The following TRPM5 variants were observed in gnomAD, a reference collection of about 807,000 sequenced individuals.
TRPM5 encodes MLSN1 and TRP-related.
Under a neutral mutation model 124.9 loss-of-function variants are expected in TRPM5, and 121 were observed. The observed-to-expected ratio is 0.97, with a 90% CI of 0.84 to 1.13. TRPM5 has a LOEUF of 1.13. TRPM5 is among the 50% of genes most tolerant of loss of function. The pLI is 0.00. For missense variants in TRPM5, 1,643 were observed against 1,589.1 expected (o/e 1.03, Z -0.58); for synonymous variants, 781 against 700.5 (o/e 1.11, Z -1.81).
intron 18 of TRPM5, among the ~76,000 whole-genome samples, chr11:2,411,009 C>T (rs1850433736): frequency 6.6e-6 from 1 of 152,114 alleles, no homozygotes; most frequent in South Asian, 2.1e-4. Flanking sequence ...CTATCCCTTC[C>T]CCACCGATAG....
exon 9 of TRPM5, chr11:2,415,466 A>G: frequency 6.4e-7 from 1 of 1,565,070 alleles, no homozygotes; most frequent in Non-Finnish European, 8.6e-7. Flanking sequence ...CCTCCAGGTC[A>G]CAGGACTTGG....
exon 2 of TRPM5, chr11:2,422,172 G>A: frequency 6.2e-7 from 1 of 1,611,544 alleles, no homozygotes; most frequent in Non-Finnish European, 8.5e-7. Flanking sequence ...CCAGCCCCTT[G>A]CGCAGCACAT....
chr11:2,415,463 G>C (rs1237836861), exon 9 of TRPM5: 1 of 1,567,726 alleles, frequency 6.4e-7, no homozygotes, highest in Non-Finnish European at 8.6e-7. Context: ...CCTCCTCCAG[G>C]TCACAGGACT....
the TRPM5 span, among the ~76,000 whole-genome samples, chr11:2,435,234 C>T: frequency 1.2e-4 from 18 of 152,150 alleles, no homozygotes; most frequent in African/African-American, 3.9e-4. This position sits in a 1 kb window ranked among gnomAD's most constrained non-coding sequence, Gnocchi z 4.1. Flanking sequence ...AAAAATAAAG[C>T]AGGGGAGGCC....
At chr11:2,427,694 G>A (rs908067565), upstream of TRPM5, among the ~76,000 whole-genome samples, 7 of 152,346 alleles carry the variant, frequency 4.6e-5, no homozygotes, top group South Asian at 2.1e-4. Context: ...GATTGCTGTC[G>A]TTGCCTCCTT....
At chr11:2,405,133 G>T in intron 23 of TRPM5, 90 bp from the exon 29 acceptor site, 3 of 1,098,626 alleles carry the variant, frequency 2.7e-6, no homozygotes, top group South Asian at 2.8e-5. Context: ...GCAAGGGCCA[G>T]GACGCCGTGG....
At chr11:2,413,385 C>G in intron 13 of TRPM5, 91 bp downstream of exon 18, 1 of 1,354,852 alleles carries the variant, frequency 7.4e-7, no homozygotes, top group South Asian at 1.4e-5. Flanking sequence ...GTCAGGCTAC[C>G]ACCAGCACCT....
At chr11:2,431,419 GAAT>G in the TRPM5 span, among the ~76,000 whole-genome samples, 2 of 152,118 alleles carry the variant, frequency 1.3e-5, no homozygotes, top group Non-Finnish European at 2.9e-5. Context: ...TGTGGTATGT[GAAT>G]AATGAGGAGG....
chr11:2,425,278 C>T (rs944082956), upstream of TRPM5, among the ~76,000 whole-genome samples: 2 of 152,198 alleles, frequency 1.3e-5, no homozygotes, highest in South Asian at 2.1e-4. Context: ...TCGGCAGGGC[C>T]GTGCTCCCCC....
At position 2,415,105 on chromosome 11, in the gene TRPM5, C is replaced by T. The variant is rs748890702; in HGVS notation, c.1479+16G>A. On this transcript the variant is annotated intron_variant, in intron 9 of 23. Coordinates refer to ENST00000155858, the Ensembl canonical transcript of TRPM5. ...GCCCCAGCCTCGCCCTCCATCCCCACGGAGCCCCCGCTCACCGCCCTCCTG... is the reference window on the plus strand; with the variant it reads ...GCCCCAGCCTCGCCCTCCATCCCCATGGAGCCCCCGCTCACCGCCCTCCTG... The T allele has an allele frequency of 1.8e-5, 29 of 1,573,792 alleles. No homozygotes were observed. Among genetic ancestry groups the T allele is most frequent in the East Asian group, 9.2e-5 (4 of 43,624 alleles).
At chr11:2,411,296 G>T in intron 18 of TRPM5, 56 bp downstream of exon 23, 1 of 1,482,020 alleles carries the variant, frequency 6.7e-7, no homozygotes, top group Non-Finnish European at 9.0e-7. Context: ...CCCAGGGCTT[G>T]TGCACACAGG....
At chr11:2,411,926 G>C (rs1023140329) in intron 16 of TRPM5, among the ~76,000 whole-genome samples, 159 bp from the exon 22 acceptor site, 2 of 152,186 alleles carry the variant, frequency 1.3e-5, no homozygotes, top group Non-Finnish European at 2.9e-5. Context: ...TTAAGAGACA[G>C]GGTCTTGCTC....
chr11:2,414,986 C>G, exon 10 of TRPM5: 1 of 1,606,944 alleles, frequency 6.2e-7, no homozygotes, highest in Non-Finnish European at 8.5e-7. Flanking sequence ...GGGGTTCTCG[C>G]TCTTCTGGTT....
chr11:2,406,521 C>G (rs1428195022), intron 21 of TRPM5, 140 bp downstream of exon 26: 2 of 1,181,640 alleles, frequency 1.7e-6, no homozygotes, highest in African/African-American at 1.5e-5. Flanking sequence ...GAAAGCTAGG[C>G]CCCTGGGCTC....
At chr11:2,404,358 G>T (rs1199271011), downstream of TRPM5, among the ~76,000 whole-genome samples, 1 of 152,188 alleles carries the variant, frequency 6.6e-6, no homozygotes, top group Non-Finnish European at 1.5e-5. Context: ...GCTTTGTCTT[G>T]GGGCCATAAA....
intron 7 of TRPM5, 24 bp from the exon 13 acceptor site, chr11:2,416,048 T>A: frequency 6.4e-7 from 1 of 1,564,646 alleles, no homozygotes; most frequent in Admixed American, 1.7e-5. Flanking sequence ...AGGCAGGCAC[T>A]GGTGAGGGTG....
chr11:2,439,945 T>C, the TRPM5 span, among the ~76,000 whole-genome samples: 1 of 152,148 alleles, frequency 6.6e-6, no homozygotes, highest in Non-Finnish European at 1.5e-5. Flanking sequence ...CCAACAGTGG[T>C]AGACTGGGTA....
chr11:2,410,837 G>A (rs956815359), intron 18 of TRPM5, among the ~76,000 whole-genome samples: 1 of 152,178 alleles, frequency 6.6e-6, no homozygotes, highest in East Asian at 1.9e-4. Flanking sequence ...TGGCGAAGGG[G>A]CCTTGCCAGC....
the TRPM5 span, among the ~76,000 whole-genome samples, chr11:2,430,626 GCA>G: frequency 6.6e-6 from 1 of 151,622 alleles, no homozygotes; most frequent in African/African-American, 2.4e-5. Context: ...GATGTTGGTG[GCA>G]GTGATGAGGG....
Sources: allele counts gnomAD v4.1 joint callset (sites outside exome capture counted in the v4.1 genomes callset), GRCh38; gene constraint gnomAD v4.1.1; non-coding constraint Gnocchi (gnomAD v3.1); transcripts MANE v1.5; gene names NCBI Gene and HGNC (gene_info 2026-07-23, HGNC 2026-07-21).